Variants in NRAP observed in about 807,000 individuals in gnomAD.
NRAP encodes nebulin-related-anchoring protein.
A neutral mutation model predicts 225.9 loss-of-function variants in NRAP; 189 were observed. That is an observed-to-expected ratio of 0.84 (90% CI 0.74 to 0.94). NRAP has a LOEUF of 0.94. Among genes scored for constraint, NRAP ranks in the 40% least tolerant of loss-of-function variants. NRAP has a pLI of 0.00. For synonymous variants in NRAP, 769 were observed against 790.7 expected (o/e 0.97, Z 0.46); for missense variants, 2,176 against 2,168.7 (o/e 1.00, Z -0.07).
intron 3 of NRAP, among the ~76,000 whole-genome samples, chr10:113,662,309 G>C (rs1850727000): frequency 6.6e-6 from 1 of 152,174 alleles, no homozygotes; most frequent in Non-Finnish European, 1.5e-5. Context: ...TAATGATCAA[G>C]TCAGGGCATT....
At chr10:113,659,003 T>A (rs1850493857) in intron 3 of NRAP, among the ~76,000 whole-genome samples, 1 of 152,130 alleles carries the variant, frequency 6.6e-6, no homozygotes, top group Non-Finnish European at 1.5e-5. Flanking sequence ...ACCCAAAGGA[T>A]TCTTGTTCCC....
intron 3 of NRAP, among the ~76,000 whole-genome samples, chr10:113,659,378 AG>A (rs1850519475): frequency 6.6e-6 from 1 of 152,184 alleles, no homozygotes; most frequent in South Asian, 2.1e-4. Flanking sequence ...AATGTCCCCC[AG>A]GTAGGGGTTG....
intron 18 of NRAP, among the ~76,000 whole-genome samples, chr10:113,630,165 G>A (rs1230104801): frequency 6.6e-6 from 1 of 152,198 alleles, no homozygotes; most frequent in African/African-American, 2.4e-5. Flanking sequence ...GGTGACCTCT[G>A]GAAAGTTATG....
At chr10:113,654,337 G>A (rs920242954) in intron 4 of NRAP, among the ~76,000 whole-genome samples, 1 of 152,062 alleles carries the variant, frequency 6.6e-6, no homozygotes, top group Non-Finnish European at 1.5e-5. Flanking sequence ...TATGTTACAG[G>A]AAAATTTTGA....
rs768412158 is a variant in NRAP, at chr10:113,590,652, G to A, written c.4882C>T (p.Leu1628=). The change falls in exon 40 of 42, where the codon CTG becomes TTG. Residue 1628 remains leucine (L), a synonymous_variant. Coordinates refer to ENST00000359988, the MANE Select transcript of NRAP (RefSeq NM_198060.4). The part of the protein sequence containing the change: ...LASDVHYRQP[L]PQPTCDPEQL... ...TCCGGGTCGCAGGTGGGCTGGGGCAGGGGCTGCCTGTAGTGCACATCACTG... is the reference window on the plus strand; with the variant it reads ...TCCGGGTCGCAGGTGGGCTGGGGCAAGGGCTGCCTGTAGTGCACATCACTG... 3.7e-6 allele frequency: 6 copies of A among 1,613,992 alleles called. No individual in the cohort carries two copies. Among genetic ancestry groups the A allele is most frequent in the Non-Finnish European group, 5.1e-6 (6 of 1,179,990 alleles).
chr10:113,616,703 T>A (rs1470104232), intron 26 of NRAP, among the ~76,000 whole-genome samples: 1 of 152,230 alleles, frequency 6.6e-6, no homozygotes, highest in African/African-American at 2.4e-5. Context: ...AAGAGAATTT[T>A]GAAAGCTATG....
intron 20 of NRAP, among the ~76,000 whole-genome samples, chr10:113,626,789 C>G (rs1241366483): frequency 1.3e-5 from 2 of 152,206 alleles, no homozygotes; most frequent in Admixed American, 1.3e-4. Flanking sequence ...TTCACAGTTT[C>G]TGATTTTCCA....
chr10:113,628,268 A>G (rs1011804413), intron 20 of NRAP, among the ~76,000 whole-genome samples: 18 of 152,000 alleles, frequency 1.2e-4, no homozygotes, highest in African/African-American at 3.9e-4. Flanking sequence ...GTTCACTGCA[A>G]CCTCTGCCTC....
At position 113,588,949 on chromosome 10, in the gene NRAP, C is replaced by T. The variant is rs1254894412; in HGVS notation, c.*26G>A. ...CTGGTGAACAAACTTCCTCTCTGGC[C>T]TCTCAGGAATCAGGGTGGACATGGC... On this transcript the variant is annotated 3_prime_UTR_variant, in exon 42 of 42. Transcript: ENST00000359988. The T allele has an allele frequency of 5.1e-6, 8 of 1,568,196 alleles. No individual in the cohort carries two copies. Among genetic ancestry groups the T allele is most frequent in the Admixed American group, 3.5e-5 (2 of 57,396 alleles).
At chr10:113,589,137 C>T (rs528549803) in intron 41 of NRAP, 58 bp from the exon 42 acceptor site, 211 of 1,431,056 alleles carry the variant, frequency 1.5e-4, no homozygotes, top group African/African-American at 1.4e-3. Flanking sequence ...CCACTCCCGG[C>T]CCCGGTTCCC....
intron 29 of NRAP, 65 bp downstream of exon 29, chr10:113,614,118 T>C (rs967621792): frequency 9.9e-7 from 1 of 1,008,180 alleles, no homozygotes; most frequent in Non-Finnish European, 1.6e-6. Flanking sequence ...TGAGGTTAGG[T>C]TGCCATGCAG....
At chr10:113,658,161 T>C (rs1850427114) in intron 3 of NRAP, among the ~76,000 whole-genome samples, 1 of 152,226 alleles carries the variant, frequency 6.6e-6, no homozygotes, top group South Asian at 2.1e-4. Context: ...CAAGTGACCA[T>C]ATACGTGCAG....
At position 113,588,830 on chromosome 10, in the gene NRAP, T is replaced by G. The variant is rs1221854932; in HGVS notation, c.*145A>C. 3.0e-6 allele frequency: 2 copies of G among 676,588 alleles called. No individual in the cohort carries two copies. The highest frequency in any genetic ancestry group is 2.6e-6 in the Non-Finnish European group (1 of 379,316). 41.9% of individuals were successfully genotyped at this position (676,588 alleles called of 1,614,324 possible). A position where few individuals can be genotyped will look rare whatever the true frequency, so the allele number is the denominator to read the frequency against. On this transcript the variant is annotated 3_prime_UTR_variant, in exon 42 of 42. Coordinates refer to ENST00000359988, the MANE Select transcript of NRAP (RefSeq NM_198060.4). ...GACCACAAATACAACATTCTCCATC[T>G]GCTTTCAGAGTTATTATTTTAATAA...
chr10:113,596,108 A>G (rs1271651206), intron 37 of NRAP, among the ~76,000 whole-genome samples: 2 of 152,320 alleles, frequency 1.3e-5, no homozygotes, highest in Middle Eastern at 3.4e-3. Context: ...TACAGCCTCA[A>G]TGCCTTTGTT....
intron 20 of NRAP, among the ~76,000 whole-genome samples, chr10:113,626,821 C>G (rs3127088): frequency 6.6e-6 from 1 of 152,060 alleles, no homozygotes; most frequent in Non-Finnish European, 1.5e-5. Context: ...TCTTGTCCTC[C>G]TAGTGTCCCC....
chr10:113,621,916 C>G lies in NRAP; in HGVS notation c.2722G>C (p.Asp908His). 1 of 1,613,974 alleles carries G rather than the reference C, an allele frequency of 6.2e-7. No homozygotes were observed. The highest frequency in any genetic ancestry group is 8.5e-7 in the Non-Finnish European group (1 of 1,179,854). Residue 908 changes from aspartate to histidine, a missense_variant, in exon 24 of 42, where the codon GAC becomes CAC. By Grantham distance (81) the Asp-to-His change is moderately conservative. Transcript: ENST00000359988. ...AEHHFTALPT[D>H]MKVEWAKKAY... ...TTCTTGGCCCATTCCACCTTCATGT[C>G]TGTGGGCAAAGCCGTAAAGTGATGT...
At chr10:113,633,336 G>A in intron 15 of NRAP, 148 bp from the exon 16 acceptor site, 1 of 565,922 alleles carries the variant, frequency 1.8e-6, no homozygotes, top group South Asian at 2.3e-5. Flanking sequence ...TTTTGTGAAT[G>A]TTTTAAATTA....
chr10:113,617,489 A>G lies in NRAP; in HGVS notation c.2939T>C (p.Val980Ala), dbSNP rs777735725. ...TTGGGTATAACTAATTCTGGCCTGG[A>G]CCATCTCCGGAGTGTCTTTAATACT... ...FTSIKDTPEM[V>A]QARISYTQAV... is the part of the protein sequence containing the mutation. The change falls in exon 26 of 42, where the codon GTC becomes GCC. Residue 980 changes from valine (V) to alanine (A), a missense_variant. Physicochemically the swap from Val to Ala is moderately conservative, Grantham distance 64. Coordinates refer to ENST00000359988, the MANE Select transcript of NRAP (RefSeq NM_198060.4). The G allele has an allele frequency of 1.9e-5, 31 of 1,611,370 alleles. No individual in the cohort carries two copies. Among genetic ancestry groups the G allele is most frequent in the African/African-American group, 4.0e-5 (3 of 74,832 alleles).
At position 113,651,932 on chromosome 10, in the gene NRAP, G is replaced by A. The variant is rs777021202; in HGVS notation, c.571-25C>T. 4.1e-6 allele frequency: 6 copies of A among 1,476,006 alleles called. No homozygotes were observed. The African/African-American group carries it at 8.3e-5, about 20-fold the overall frequency. The allele number at this position is 1,476,006 out of a possible 1,614,324, so 91.4% of individuals were successfully genotyped here. A position where few individuals can be genotyped will look rare whatever the true frequency, so the allele number is the denominator to read the frequency against. On this transcript the variant is annotated intron_variant, in intron 6 of 41. Transcript: ENST00000359988. ...CCTGATGAGAAGACAGTAGAGTCAA[G>A]GGTGCACCCACCTCACAGCCTCCTC...
Sources: allele counts gnomAD v4.1 joint callset (sites outside exome capture counted in the v4.1 genomes callset), GRCh38; gene constraint gnomAD v4.1.1; transcripts MANE v1.5; gene names NCBI Gene and HGNC (gene_info 2026-07-23, HGNC 2026-07-21).